AGPAT5: variants seen among roughly 807,000 people sequenced by gnomAD.
AGPAT5 encodes the protein 1-acylglycerol-3-phosphate O-acyltransferase 5.
Under a neutral mutation model 45.6 loss-of-function variants are expected in AGPAT5, and 46 were observed. That is an observed-to-expected ratio of 1.01 (90% confidence interval 0.80 to 1.29). The LOEUF (loss-of-function observed/expected upper bound fraction) is 1.29, where lower values mean the gene tolerates loss of function less well. AGPAT5 is among the 50% of genes most tolerant of loss of function. AGPAT5 has a pLI of 0.00. For missense variants in AGPAT5, 673 were observed against 450.7 expected, an observed-to-expected ratio of 1.49 and a Z score of -4.47; for synonymous variants, 272 against 167.0, an observed-to-expected ratio of 1.63 and a Z score of -4.85.
At chr8:6,733,677 C>T (rs1234970189) in intron 4 of AGPAT5, among the ~76,000 whole-genome samples, 1 of 152,074 alleles carries the variant, frequency 6.6e-6, no homozygotes, top group Non-Finnish European at 1.5e-5. Context: ...CTCCAAAAGA[C>T]AGAATAAGTT....
chr8:6,751,042 T>G (rs142799219), intron 6 of AGPAT5, among the ~76,000 whole-genome samples: 23 of 152,370 alleles, frequency 1.5e-4, no homozygotes, highest in African/African-American at 5.0e-4. Context: ...TCATTGTTTT[T>G]TTTTGTTTTC....
At chr8:6,747,912 G>A (rs1196221735) in intron 6 of AGPAT5, 84 bp downstream of exon 6, 43 of 1,404,432 alleles carry the variant, frequency 3.1e-5, no homozygotes, top group Non-Finnish European at 3.7e-5. Flanking sequence ...TACAAAGTAG[G>A]TTAAGTGTAC....
intron 3 of AGPAT5, 56 bp from the exon 4 acceptor site, chr8:6,732,505 C>G (rs573836034): frequency 1.4e-6 from 2 of 1,455,884 alleles, no homozygotes; most frequent in African/African-American, 2.9e-5. Context: ...TTTGATGACT[C>G]TGGCCAATTG....
At chr8:6,746,643 A>G (rs1471248304) in intron 5 of AGPAT5, among the ~76,000 whole-genome samples, 1 of 152,226 alleles carries the variant, frequency 6.6e-6, no homozygotes, top group African/African-American at 2.4e-5. Context: ...TGGGGACTAA[A>G]GTCAGATACG....
Position 6,730,577 on chromosome 8 carries a change from G to C in AGPAT5, c.290-134G>C, listed in dbSNP as rs1193396640. On this transcript the variant is annotated intron_variant, in intron 2 of 7. Coordinates refer to ENST00000285518, the MANE Select transcript of AGPAT5 (RefSeq NM_018361.5). ...GATCTCCTGACCTCGTGATCCGCCC[G>C]CCTCGGCCTCCCAAAGTGCTGGGAT... is the stretch of plus-strand genomic sequence containing the variant. The C allele has an allele frequency of 3.3e-5, 2 of 59,866 alleles. 1 individual carries two copies. The highest frequency in any genetic ancestry group is 2.1e-4 in the South Asian group (2 of 9,374). 3.7% of individuals were successfully genotyped at this position (59,866 alleles called of 1,614,324 possible).
rs375650774 is a variant in AGPAT5 at position 6,732,638 on chromosome 8, C to A, written c.483C>A (p.Asp161Glu). The A allele has an allele frequency of 1.9e-6, 3 of 1,608,436 alleles. No homozygotes were observed. Among genetic ancestry groups the A allele is most frequent in the African/African-American group, 1.3e-5 (1 of 74,566 alleles). ...EMRNKLQSYV[D>E]AGTPMYLVIF... The stretch of plus-strand genomic sequence containing the variant: ...GAAACAAGTTGCAGAGCTACGTGGA[C>A]GCAGGAACTCCAGTAAGAGCCTACC... Residue 161 changes from aspartate to glutamate, a missense_variant, in exon 4 of 8, where the codon GAC becomes GAA. Physicochemically the swap from Asp to Glu is conservative, Grantham distance 45. Coordinates refer to ENST00000285518, the MANE Select transcript of AGPAT5 (RefSeq NM_018361.5).
chr8:6,755,767 TAC>T (rs1444552454), intron 7 of AGPAT5, among the ~76,000 whole-genome samples: 1 of 152,238 alleles, frequency 6.6e-6, no homozygotes, highest in Admixed American at 6.5e-5. Context: ...TGTTTTACAG[TAC>T]AGTGTTTTTA....
At chr8:6,728,972 T>C (rs1800777213) in intron 2 of AGPAT5, among the ~76,000 whole-genome samples, 1 of 152,228 alleles carries the variant, frequency 6.6e-6, no homozygotes, top group South Asian at 2.1e-4. Context: ...TAACACAGGT[T>C]GTGTCTGTCT....
chr8:6,741,892 C>G (rs1248092540), intron 5 of AGPAT5, 141 bp downstream of exon 5: 8 of 615,440 alleles, frequency 1.3e-5, no homozygotes, highest in South Asian at 4.4e-5. Flanking sequence ...CATATTATCT[C>G]TTAGGAAATG....
intron 1 of AGPAT5, among the ~76,000 whole-genome samples, chr8:6,721,243 G>T (rs1411006238): frequency 6.6e-6 from 1 of 152,056 alleles, no homozygotes; most frequent in Non-Finnish European, 1.5e-5. Flanking sequence ...ATATTTCGTT[G>T]GCATAAAAAT....
chr8:6,748,299 T>C (rs1254750031), intron 6 of AGPAT5, among the ~76,000 whole-genome samples: 1 of 152,190 alleles, frequency 6.6e-6, no homozygotes, highest in Non-Finnish European at 1.5e-5. Context: ...ACCTTTGAGC[T>C]ATTGTCAGAT....
intron 6 of AGPAT5, among the ~76,000 whole-genome samples, chr8:6,748,255 C>G (rs941316212): frequency 1.3e-5 from 2 of 151,274 alleles, no homozygotes; most frequent in Non-Finnish European, 2.9e-5. Context: ...TAAGTGTGAC[C>G]TTTTTTTTTC....
In AGPAT5 at chr8:6,747,846, C is replaced by T. The variant is rs1366354815; in HGVS notation, c.745+18C>T. The T allele has an allele frequency of 2.5e-6, 4 of 1,612,516 alleles. No homozygotes were observed. In the African/African-American group the frequency reaches 5.3e-5, roughly 22 times the overall value. On this transcript the variant is annotated intron_variant, in intron 6 of 7. Coordinates refer to ENST00000285518, the MANE Select transcript of AGPAT5 (RefSeq NM_018361.5). Reference sequence around the variant, plus strand: ...CATGACGGGTAAGTGTGTTCACGCACCTGAAATGCCTGTACACGGTATATA... The same window carrying T: ...CATGACGGGTAAGTGTGTTCACGCATCTGAAATGCCTGTACACGGTATATA...
chr8:6,738,227 G>A (rs541585865), intron 4 of AGPAT5: 2 of 152,296 alleles, frequency 1.3e-5, no homozygotes, highest in East Asian at 3.9e-4. Context: ...GATGTAAAGT[G>A]AGAGACATGC....
intron 6 of AGPAT5, among the ~76,000 whole-genome samples, chr8:6,749,760 A>C (rs540373302): frequency 2.6e-4 from 39 of 152,372 alleles, no homozygotes; most frequent in African/African-American, 9.4e-4. Flanking sequence ...AGATTAAACA[A>C]GTGTTTATAA....
At chr8:6,733,083 C>G (rs191277971) in intron 4 of AGPAT5, among the ~76,000 whole-genome samples, 2 of 152,306 alleles carry the variant, frequency 1.3e-5, no homozygotes, top group African/African-American at 4.8e-5. Flanking sequence ...AAGGATGAAT[C>G]TCTACAAATG....
chr8:6,753,415 A>T (rs985250979), intron 6 of AGPAT5, among the ~76,000 whole-genome samples: 17 of 152,184 alleles, frequency 1.1e-4, no homozygotes, highest in African/African-American at 3.6e-4. Context: ...AGGCAGGAAA[A>T]TTGGTGTCGG....
At chr8:6,742,920 C>T (rs1801286117) in intron 5 of AGPAT5, among the ~76,000 whole-genome samples, 1 of 152,072 alleles carries the variant, frequency 6.6e-6, no homozygotes, top group Admixed American at 6.5e-5. Flanking sequence ...GACGTTCTGT[C>T]ATTTCAGTTG....
At chr8:6,713,238 G>A (rs1800213028) in intron 1 of AGPAT5, among the ~76,000 whole-genome samples, 1 of 152,160 alleles carries the variant, frequency 6.6e-6, no homozygotes, top group African/African-American at 2.4e-5. Flanking sequence ...CCAAAGTGCT[G>A]GGATTACAGG....
Sources: gnomAD v4.1 joint callset for allele counts (sites outside exome capture counted in the v4.1 genomes callset) on GRCh38, gnomAD v4.1.1 for gene constraint, MANE v1.5 for transcripts, NCBI Gene and HGNC (gene_info 2026-07-23, HGNC 2026-07-21) for gene names.